Variants in PCSK6 observed in about 807,000 individuals in gnomAD.
The protein encoded by PCSK6 is paired basic amino acid cleaving enzyme 4.
In PCSK6, 85 loss-of-function variants were observed where a neutral mutation model predicts 123.3. That is an observed-to-expected ratio of 0.69 (90% confidence interval 0.58 to 0.83). The LOEUF is 0.83. Ranked by LOEUF, PCSK6 falls within the 40% of genes least tolerant of loss-of-function variation. The probability of loss-of-function intolerance (pLI) is 0.00; values close to 1 mark genes in which losing one functional copy is unlikely to be tolerated. For synonymous variants in PCSK6, 508 were observed against 516.0 expected, an observed-to-expected ratio of 0.98 and a Z score of 0.21; for missense variants, 1,191 against 1,282.3, an observed-to-expected ratio of 0.93 and a Z score of 1.09.
At chr15:101,380,324 C>T (rs1340295377) in intron 11 of PCSK6, among the ~76,000 whole-genome samples, 1 of 152,210 alleles carries the variant, frequency 6.6e-6, no homozygotes, top group East Asian at 1.9e-4. Context: ...ATTCAGGAGC[C>T]GCCCTGACGG....
intron 11 of PCSK6, among the ~76,000 whole-genome samples, chr15:101,379,534 C>G (rs552120865): frequency 6.6e-6 from 1 of 152,360 alleles, no homozygotes; most frequent in African/African-American, 2.4e-5. Context: ...GGCATACACA[C>G]ACTCTGTCTT....
chr15:101,374,287 A>ATT (rs35543862), intron 11 of PCSK6, among the ~76,000 whole-genome samples: 3 of 151,072 alleles, frequency 2.0e-5, no homozygotes, highest in East Asian at 1.9e-4. Context: ...GCCTCCTCCT[A>ATT]TTTTTTTTTC....
intron 1 of PCSK6, among the ~76,000 whole-genome samples, chr15:101,469,384 C>A (rs4965878): frequency 6.6e-6 from 1 of 152,072 alleles, no homozygotes; most frequent in Non-Finnish European, 1.5e-5. Flanking sequence ...ACATGCCCTG[C>A]GTGACTGTGT....
chr15:101,356,452 G>A (rs2041043124), intron 13 of PCSK6, among the ~76,000 whole-genome samples: 1 of 144,676 alleles, frequency 6.9e-6, no homozygotes. Context: ...CTGAGGTCAG[G>A]AGTTCAAGAC....
At chr15:101,482,753 C>T (rs2141270138) in intron 1 of PCSK6, among the ~76,000 whole-genome samples, 1 of 152,218 alleles carries the variant, frequency 6.6e-6, no homozygotes, top group Admixed American at 6.5e-5. Flanking sequence ...TTCTAATGGT[C>T]CAGTCAGCTG....
chr15:101,362,434 C>G (rs971867000), intron 13 of PCSK6, among the ~76,000 whole-genome samples: 8 of 152,132 alleles, frequency 5.3e-5, no homozygotes, highest in African/African-American at 1.9e-4. Context: ...GTACAAGGTG[C>G]TCAGTGTCAC....
chr15:101,380,498 T>C (rs2041884624), intron 11 of PCSK6, among the ~76,000 whole-genome samples: 1 of 152,206 alleles, frequency 6.6e-6, no homozygotes, highest in Non-Finnish European at 1.5e-5. Context: ...TCCCACGTTG[T>C]TTCAAATTTG....
chr15:101,434,623 C>T (rs777886078), intron 2 of PCSK6, among the ~76,000 whole-genome samples: 53 of 152,320 alleles, frequency 3.5e-4, no homozygotes, highest in Non-Finnish European at 6.0e-4. Flanking sequence ...CTGTCGTGGT[C>T]GCAGGGGCAG....
chr15:101,390,387 A>G lies in PCSK6; in HGVS notation c.1210-823T>C, dbSNP rs544436727. Among the ~76,000 whole-genome samples, 33 of 152,238 alleles carry G rather than the reference A, an allele frequency of 2.2e-4. 7 individuals carry two copies. Among genetic ancestry groups the G allele is most frequent in the Non-Finnish European group, 3.7e-4 (25 of 68,038 alleles). ...ATCTTTGTCCCCTGGTGTTATTCCA[A>G]TGAGCTTTGCAGATAGAGTTAAGGT... is the stretch of plus-strand genomic sequence containing the variant. On this transcript the variant is annotated intron_variant, in intron 8 of 21. Coordinates refer to ENST00000611716, the MANE Select transcript of PCSK6 (RefSeq NM_002570.5).
chr15:101,386,498 C>A (rs1283133314), intron 9 of PCSK6, among the ~76,000 whole-genome samples: 1 of 152,210 alleles, frequency 6.6e-6, no homozygotes, highest in Admixed American at 6.5e-5. Context: ...CTCTGTCCCA[C>A]GGGACACTCA....
intron 17 of PCSK6, among the ~76,000 whole-genome samples, chr15:101,324,199 G>T (rs1042946510): frequency 1.1e-4 from 16 of 152,216 alleles, no homozygotes; most frequent in African/African-American, 3.9e-4. Context: ...CTAGTGTTCA[G>T]GGGTGCGGTT....
chr15:101,351,534 G>A (rs550843124), intron 13 of PCSK6, among the ~76,000 whole-genome samples: 1 of 152,192 alleles, frequency 6.6e-6, no homozygotes, highest in South Asian at 2.1e-4. Flanking sequence ...ACCAGAATTC[G>A]GCAAAAATCA....
At chr15:101,364,305 T>C (rs1379305264) in intron 13 of PCSK6, among the ~76,000 whole-genome samples, 1 of 152,182 alleles carries the variant, frequency 6.6e-6, no homozygotes, top group African/African-American at 2.4e-5. Flanking sequence ...TCTGTAAACG[T>C]TACTATGCAT....
chr15:101,442,189 C>T (rs563901491), intron 2 of PCSK6, among the ~76,000 whole-genome samples: 4 of 152,184 alleles, frequency 2.6e-5, no homozygotes, highest in African/African-American at 7.2e-5. Context: ...TGGGGTGAGA[C>T]GGTGCATGTA....
intron 1 of PCSK6, among the ~76,000 whole-genome samples, chr15:101,480,223 G>A (rs901145882): frequency 6.6e-6 from 1 of 152,228 alleles, no homozygotes; most frequent in African/African-American, 2.4e-5. Context: ...AGAAGTGATG[G>A]ATGCTGGCCG....
At chr15:101,351,840 A>G (rs2040898083) in intron 13 of PCSK6, among the ~76,000 whole-genome samples, 1 of 152,196 alleles carries the variant, frequency 6.6e-6, no homozygotes, top group African/African-American at 2.4e-5. Context: ...AGAAGACTCA[A>G]TTCAACTGAA....
chr15:101,337,319 A>G, intron 13 of PCSK6: 1 of 152,124 alleles, frequency 6.6e-6, no homozygotes, highest in East Asian at 1.9e-4. Context: ...CTAGTACTTA[A>G]ATGCTTTTTT....
Position 101,398,399 on chromosome 15 carries a change from C to T in PCSK6, c.996+5G>A. On this transcript the variant is annotated splice_donor_5th_base_variant and intron_variant, in intron 7 of 21. Coordinates refer to ENST00000611716, the MANE Select transcript of PCSK6 (RefSeq NM_002570.5). The surrounding 1 kb of genome is among the most constrained non-coding windows in gnomAD (Gnocchi z 4.6). Reference sequence around the variant, plus strand: ...GCGCTCCCCTGTAGCCCTGGTTACTCACACCTTTTTAATGCCATACTCGAA... The same window carrying T: ...GCGCTCCCCTGTAGCCCTGGTTACTTACACCTTTTTAATGCCATACTCGAA... 6.2e-7 allele frequency: 1 copy of T among 1,604,834 alleles called. No homozygotes were observed. Among genetic ancestry groups the T allele is most frequent in the Non-Finnish European group, 8.5e-7 (1 of 1,173,104 alleles).
intron 5 of PCSK6, among the ~76,000 whole-genome samples, chr15:101,429,619 G>A (rs1322832196): frequency 6.6e-6 from 1 of 152,188 alleles, no homozygotes; most frequent in Non-Finnish European, 1.5e-5. Context: ...TCAGGCACGT[G>A]ACCTGTGTGC....
Sources: allele counts gnomAD v4.1 joint callset (sites outside exome capture counted in the v4.1 genomes callset), GRCh38; gene constraint gnomAD v4.1.1; non-coding constraint Gnocchi (gnomAD v3.1); transcripts MANE v1.5; gene names NCBI Gene and HGNC (gene_info 2026-07-23, HGNC 2026-07-21).